Variants in SHROOM2 observed in about 807,000 individuals in gnomAD.
SHROOM2 encodes the protein protein Shroom2.
Under a neutral mutation model 75.9 loss-of-function variants are expected in SHROOM2, and 33 were observed. The ratio of observed to expected loss-of-function variants is 0.43; its 90% CI spans 0.33 to 0.58. The LOEUF (loss-of-function observed/expected upper bound fraction) is 0.58, where lower values mean the gene tolerates loss of function less well. Ranked by LOEUF, SHROOM2 falls within the 20% of genes least tolerant of loss-of-function variation. SHROOM2 has a pLI of 0.04. For missense variants in SHROOM2, 1,434 were observed against 1,461.2 expected (o/e 0.98, Z 0.30); for synonymous variants, 655 against 663.6 (o/e 0.99, Z 0.20).
chrX:9,839,446 C>T (rs1314253570), intron 1 of SHROOM2, among the ~76,000 whole-genome samples: 1 of 111,247 alleles, frequency 9.0e-6, no homozygotes, highest in African/African-American at 3.3e-5. Context: ...CTCCATGAAA[C>T]TATCACTGTG....
chrX:9,838,865 G>A (rs1417075718), intron 1 of SHROOM2, among the ~76,000 whole-genome samples: 2 of 111,510 alleles, frequency 1.8e-5, no homozygotes, highest in Non-Finnish European at 3.8e-5. Flanking sequence ...CGGATTCCAC[G>A]TACAGGGATT....
At chrX:9,913,811 G>A (rs1456065219) in intron 5 of SHROOM2, among the ~76,000 whole-genome samples, 2 of 111,914 alleles carry the variant, frequency 1.8e-5, no homozygotes, top group African/African-American at 6.5e-5. Flanking sequence ...AAGATGAATG[G>A]AAAATAATAT....
intron 2 of SHROOM2, among the ~76,000 whole-genome samples, chrX:9,882,250 T>C (rs1225930698): frequency 9.9e-6 from 1 of 101,374 alleles, no homozygotes; most frequent in African/African-American, 3.5e-5. Context: ...AGTTAAACTT[T>C]TTGTGTCTTT....
chrX:9,820,783 C>T (rs2083849545), intron 1 of SHROOM2, among the ~76,000 whole-genome samples: 1 of 112,413 alleles, frequency 8.9e-6, no homozygotes, highest in African/African-American at 3.2e-5. Context: ...CAGGATATTT[C>T]TAATGTTTGG....
chrX:9,848,518 A>C (rs2146774564), intron 1 of SHROOM2, among the ~76,000 whole-genome samples: 1 of 100,391 alleles, frequency 1.0e-5, no homozygotes, highest in African/African-American at 3.5e-5. Context: ...CTCAAAAAAA[A>C]AAAAAAAAAA....
At chrX:9,813,747 G>A (rs1000004665) in intron 1 of SHROOM2, among the ~76,000 whole-genome samples, 1 of 111,582 alleles carries the variant, frequency 9.0e-6, no homozygotes, top group Admixed American at 9.5e-5. Flanking sequence ...AAGGCAGTAG[G>A]CTTCCTATCG....
chrX:9,858,357 C>G (rs897040658), intron 1 of SHROOM2, among the ~76,000 whole-genome samples: 1 of 112,460 alleles, frequency 8.9e-6, no homozygotes, highest in Non-Finnish European at 1.9e-5. Flanking sequence ...AGCGGGGACA[C>G]TTTGTTCTAA....
intron 5 of SHROOM2, among the ~76,000 whole-genome samples, chrX:9,904,900 C>T (rs866037692): frequency 1.2e-4 from 14 of 112,472 alleles, no homozygotes; most frequent in African/African-American, 4.2e-4. Flanking sequence ...CTTGCTCTGT[C>T]ACCCAGGCTG....
intron 1 of SHROOM2, among the ~76,000 whole-genome samples, chrX:9,845,114 A>G (rs1257414646): frequency 8.9e-6 from 1 of 112,081 alleles, no homozygotes; most frequent in African/African-American, 3.2e-5. Flanking sequence ...CAGCCAGTGT[A>G]TACATGAAGG....
intron 1 of SHROOM2, among the ~76,000 whole-genome samples, chrX:9,868,177 T>C (rs2084150707): frequency 9.0e-6 from 1 of 111,585 alleles, no homozygotes; most frequent in African/African-American, 3.3e-5. Flanking sequence ...AATTCAAACA[T>C]GTCATTGTGG....
At chrX:9,811,493 C>T (rs2083791314) in intron 1 of SHROOM2, among the ~76,000 whole-genome samples, 1 of 112,177 alleles carries the variant, frequency 8.9e-6, no homozygotes, top group African/African-American at 3.2e-5. Flanking sequence ...AGTTTTTGAC[C>T]ACTCAGAGAG....
At position 9,909,860 on chromosome X, in the gene SHROOM2, G is replaced by C. The variant is rs144590318; in HGVS notation, c.2891+11570G>C. Among the ~76,000 whole-genome samples the C allele has an allele frequency of 6.3e-3, 712 of 112,290 alleles. 5 individuals are homozygous for C. Among genetic ancestry groups the C allele is most frequent in the African/African-American group, 0.023 (696 of 30,896 alleles). ...GTATTTGTCACAGTTCTGGAGGCTG[G>C]GAAGTCTAAGATCGAGGCACTGGCA... is the stretch of plus-strand genomic sequence containing the variant. On this transcript the variant is annotated intron_variant, in intron 5 of 9. Coordinates refer to ENST00000380913, the MANE Select transcript of SHROOM2 (RefSeq NM_001649.4).
At chrX:9,887,173 G>GT (rs2084265570) in intron 2 of SHROOM2, among the ~76,000 whole-genome samples, 1 of 112,281 alleles carries the variant, frequency 8.9e-6, no homozygotes, top group South Asian at 3.7e-4. Context: ...GCTGGTTTAG[G>GT]TTAATGTTAC....
At chrX:9,810,041 C>G (rs2083783861) in intron 1 of SHROOM2, among the ~76,000 whole-genome samples, 1 of 112,401 alleles carries the variant, frequency 8.9e-6, no homozygotes, top group South Asian at 3.7e-4. Context: ...ATTTTCCTAG[C>G]ACTAGTACAA....
chrX:9,831,864 G>A (rs1034971747), intron 1 of SHROOM2, among the ~76,000 whole-genome samples: 2 of 110,305 alleles, frequency 1.8e-5, no homozygotes, highest in Non-Finnish European at 3.8e-5. Context: ...CCATTCATGA[G>A]GCTCCACCCT....
At chrX:9,938,096 A>G (rs1351383905) in intron 7 of SHROOM2, among the ~76,000 whole-genome samples, 1 of 103,770 alleles carries the variant, frequency 9.6e-6, no homozygotes, top group Non-Finnish European at 2.0e-5. Flanking sequence ...CTCAACATCT[A>G]CAGTGCACAG....
intron 1 of SHROOM2, among the ~76,000 whole-genome samples, chrX:9,830,750 C>T (rs2083912401): frequency 9.2e-6 from 1 of 108,657 alleles, no homozygotes; most frequent in Non-Finnish European, 1.9e-5. Context: ...TACAGGCATG[C>T]ACCACCATGC....
intron 1 of SHROOM2, among the ~76,000 whole-genome samples, chrX:9,796,005 C>T (rs1475665325): frequency 9.0e-6 from 1 of 111,105 alleles, no homozygotes; most frequent in Non-Finnish European, 1.9e-5. Context: ...AGTTCCTAAC[C>T]GTTTCTAATC....
At chrX:9,922,450 A>G (rs149326225) in intron 5 of SHROOM2, among the ~76,000 whole-genome samples, 2,818 of 110,004 alleles carry the variant, frequency 0.026, 87 homozygotes, top group African/African-American at 0.091. Flanking sequence ...CCCCACAACC[A>G]TCCCTCCCTG....
Sources: allele counts gnomAD v4.1 joint callset (sites outside exome capture counted in the v4.1 genomes callset), GRCh38; gene constraint gnomAD v4.1.1; transcripts MANE v1.5; gene names NCBI Gene and HGNC (gene_info 2026-07-23, HGNC 2026-07-21).